TBCK: variants seen among roughly 807,000 people sequenced by gnomAD.
TBCK encodes the protein TBC1 domain containing kinase.
In TBCK, 99 loss-of-function variants were observed where a neutral mutation model predicts 113.4. That is an observed-to-expected ratio of 0.87 (90% CI 0.74 to 1.03). The LOEUF is 1.03. TBCK is among the 50% of genes least tolerant of loss of function. The pLI is 0.00. For missense variants in TBCK, 1,045 were observed against 1,061.3 expected (o/e 0.98, Z 0.21); for synonymous variants, 369 against 370.8 (o/e 1.00, Z 0.05).
chr4:106,236,361 G>T, intron 14 of TBCK, 29 bp downstream of exon 14: 1 of 1,382,010 alleles, frequency 7.2e-7, no homozygotes, highest in Non-Finnish European at 9.4e-7. Flanking sequence ...ATGGGCTATT[G>T]TTAACACTTT....
At chr4:106,105,794 C>T (rs939299643) in intron 24 of TBCK, among the ~76,000 whole-genome samples, 2 of 152,196 alleles carry the variant, frequency 1.3e-5, no homozygotes, top group African/African-American at 2.4e-5. Context: ...GGAACACCCA[C>T]ATGCAGAGAT....
intron 23 of TBCK, among the ~76,000 whole-genome samples, chr4:106,156,024 T>G (rs1253874340): frequency 6.6e-6 from 1 of 152,108 alleles, no homozygotes; most frequent in Non-Finnish European, 1.5e-5. Flanking sequence ...GAACCTGTAT[T>G]TCCTGCAAGG....
chr4:106,071,985 G>T (rs1437732337), intron 25 of TBCK, among the ~76,000 whole-genome samples: 1 of 152,096 alleles, frequency 6.6e-6, no homozygotes, highest in East Asian at 1.9e-4. Flanking sequence ...TTGAGCCTAT[G>T]TGTGTCTCTG....
chr4:106,255,301 C>T (rs1029541233), intron 5 of TBCK, among the ~76,000 whole-genome samples: 2 of 152,236 alleles, frequency 1.3e-5, no homozygotes, highest in Non-Finnish European at 1.5e-5. Flanking sequence ...CCACTGGGCC[C>T]GTTCCATCCA....
chr4:106,067,196 C>T (rs1736742683), intron 25 of TBCK, among the ~76,000 whole-genome samples: 1 of 152,096 alleles, frequency 6.6e-6, no homozygotes, highest in Admixed American at 6.6e-5. Flanking sequence ...AGCTATCTCA[C>T]TGTGGTTTTA....
rs369732879 is a variant in TBCK, at chr4:106,095,462, A to C, written c.2571+20T>G. The stretch of plus-strand genomic sequence containing the variant: ...AAATCACTCATCATATGTACATATG[A>C]CATTTCTGAATATACTTACCTCAGC... On this transcript the variant is annotated intron_variant, in intron 25 of 25. Transcript: ENST00000394708. The C allele has an allele frequency of 1.9e-6, 3 of 1,609,088 alleles. No individual in the cohort carries two copies. In the African/African-American group the frequency reaches 4.0e-5, roughly 22 times the overall value.
chr4:106,052,080 A>C (rs1001540445), intron 25 of TBCK, among the ~76,000 whole-genome samples: 1 of 151,860 alleles, frequency 6.6e-6, no homozygotes, highest in Admixed American at 6.6e-5. Flanking sequence ...CCGTATTCAG[A>C]TCTTTTTAAC....
At chr4:106,307,656 T>G (rs1767671283) in intron 2 of TBCK, among the ~76,000 whole-genome samples, 1 of 152,178 alleles carries the variant, frequency 6.6e-6, no homozygotes, top group Non-Finnish European at 1.5e-5. Flanking sequence ...TAGGGTTTAC[T>G]TTCAGATTTT....
chr4:106,310,297 T>G (rs1425574193), intron 1 of TBCK: 2 of 151,876 alleles, frequency 1.3e-5, no homozygotes, highest in African/African-American at 4.8e-5. Flanking sequence ...ACAAAATATA[T>G]AAGGAAGAGT....
chr4:106,123,319 T>C (rs1431470942), intron 23 of TBCK, among the ~76,000 whole-genome samples: 1 of 152,152 alleles, frequency 6.6e-6, no homozygotes, highest in Non-Finnish European at 1.5e-5. Context: ...TTACAAGGCA[T>C]GTGAAGGACC....
intron 19 of TBCK, among the ~76,000 whole-genome samples, chr4:106,229,794 A>G (rs1758655340): frequency 6.6e-6 from 1 of 151,534 alleles, no homozygotes. Context: ...TTTAACTTCT[A>G]TTCTATTACT....
At chr4:106,117,769 G>A (rs1044137390) in intron 23 of TBCK, among the ~76,000 whole-genome samples, 1 of 152,122 alleles carries the variant, frequency 6.6e-6, no homozygotes, top group Non-Finnish European at 1.5e-5. Context: ...CAGCACTTTG[G>A]GAGGCTGAAG....
chr4:106,046,311 T>C lies in TBCK; in HGVS notation c.*259A>G, dbSNP rs1009457272. 6.4e-6 allele frequency: 2 copies of C among 312,316 alleles called. No individual in the cohort carries two copies. The allele number at this position is 312,316 out of a possible 1,614,324, so 19.3% of individuals were successfully genotyped here. A position where few individuals can be genotyped will look rare whatever the true frequency, so the allele number is the denominator to read the frequency against. On this transcript the variant is annotated 3_prime_UTR_variant, in exon 26 of 26. Coordinates refer to ENST00000394708, the MANE Select transcript of TBCK (RefSeq NM_001163435.3). Reference sequence around the variant, plus strand: ...GTCTTGTCAGCTGAATTTCTTGGGCTTTATGTGGCAGTGTGGTAAAAATAT... The same window carrying C: ...GTCTTGTCAGCTGAATTTCTTGGGCCTTATGTGGCAGTGTGGTAAAAATAT...
chr4:106,221,181 C>T (rs1444445255), intron 19 of TBCK, among the ~76,000 whole-genome samples: 1 of 152,126 alleles, frequency 6.6e-6, no homozygotes, highest in African/African-American at 2.4e-5. Flanking sequence ...GACGGGGTTT[C>T]ACCCTGTTTG....
intron 19 of TBCK, among the ~76,000 whole-genome samples, chr4:106,228,100 A>G (rs905186495): frequency 6.6e-6 from 1 of 151,894 alleles, no homozygotes; most frequent in Non-Finnish European, 1.5e-5. Context: ...TTTGTTTTCA[A>G]TTTCTGTGGG....
chr4:106,285,677 G>A (rs28432701), intron 3 of TBCK, among the ~76,000 whole-genome samples: 9,688 of 152,064 alleles, frequency 0.064, 367 homozygotes, highest in Non-Finnish European at 0.082. Flanking sequence ...TGCAAATTAC[G>A]ACCAGACAAC....
chr4:106,217,913 C>G (rs1757166491), intron 19 of TBCK, among the ~76,000 whole-genome samples: 2 of 144,914 alleles, frequency 1.4e-5, no homozygotes, highest in Non-Finnish European at 3.1e-5. Flanking sequence ...ATCGCCAAGT[C>G]AATCCTAAGC....
At chr4:106,283,977 T>C (rs748225538) in intron 3 of TBCK, among the ~76,000 whole-genome samples, 12 of 152,168 alleles carry the variant, frequency 7.9e-5, no homozygotes, top group Non-Finnish European at 1.8e-4. Flanking sequence ...ATTGCCAAGT[T>C]TGTATTAACA....
intron 3 of TBCK, among the ~76,000 whole-genome samples, chr4:106,275,529 A>C (rs909677328): frequency 6.6e-6 from 1 of 152,198 alleles, no homozygotes; most frequent in Non-Finnish European, 1.5e-5. Context: ...GAAAATCCTA[A>C]GGAATCCACC....
Sources: allele counts gnomAD v4.1 joint callset (sites outside exome capture counted in the v4.1 genomes callset), GRCh38; gene constraint gnomAD v4.1.1; transcripts MANE v1.5; gene names NCBI Gene and HGNC (gene_info 2026-07-23, HGNC 2026-07-21).